Variants in RNF122 observed in about 807,000 individuals in gnomAD.
The protein encoded by RNF122 is ring finger protein 122.
In RNF122, 17 loss-of-function variants were observed where a neutral mutation model predicts 24.2. The ratio of observed to expected loss-of-function variants is 0.70; its 90% confidence interval spans 0.48 to 1.06. RNF122 has a LOEUF of 1.06. Among genes scored for constraint, RNF122 ranks in the 50% least tolerant of loss-of-function variants. The pLI is 0.00. For missense variants in RNF122, 168 were observed against 198.1 expected, an observed-to-expected ratio of 0.85 and a Z score of 0.91; for synonymous variants, 65 against 71.8, an observed-to-expected ratio of 0.91 and a Z score of 0.48.
At position 33,563,117 on chromosome 8, in the gene RNF122, G is replaced by GAA. The variant is rs59074437; in HGVS notation, c.25+3580_25+3581dup. Among the ~76,000 whole-genome samples the GAA allele has an allele frequency of 8.9e-4, 121 of 135,308 alleles. 2 individuals carry two copies. Among genetic ancestry groups the GAA allele is most frequent in the African/African-American group, 1.7e-3 (63 of 37,300 alleles). 88.8% of individuals were successfully genotyped at this position (135,308 alleles called of 152,430 possible). On this transcript the variant is annotated intron_variant, in intron 1 of 5. Transcript: ENST00000256257. Reference sequence around the variant, plus strand: ...GACAGAGTGAGACTCAAGAAAAAAAGAAAAAAAAAAAAAAGCCTGAACCCT... The same window carrying GAA: ...GACAGAGTGAGACTCAAGAAAAAAAGAAAAAAAAAAAAAAAAGCCTGAACCCT...
intron 2 of RNF122, among the ~76,000 whole-genome samples, chr8:33,555,274 C>T (rs1810435594): frequency 6.6e-6 from 1 of 152,102 alleles, no homozygotes; most frequent in Non-Finnish European, 1.5e-5. Context: ...ATGATCTTAG[C>T]TCACTGCAAC....
intron 1 of RNF122, among the ~76,000 whole-genome samples, chr8:33,564,333 A>C (rs1398857491): frequency 6.6e-6 from 1 of 152,140 alleles, no homozygotes; most frequent in African/African-American, 2.4e-5. Context: ...GGACTGCTTG[A>C]GCCCAGGAGT....
chr8:33,556,979 C>T (rs373939684), intron 2 of RNF122, among the ~76,000 whole-genome samples: 20 of 152,316 alleles, frequency 1.3e-4, no homozygotes, highest in African/African-American at 4.8e-4. Context: ...TTGTAGCTGC[C>T]TTCTAGCAAA....
In RNF122 at chr8:33,551,864, A is replaced by G. The variant is rs113148065; in HGVS notation, c.183-475T>C. Among the ~76,000 whole-genome samples, 592 of 151,784 alleles carry G rather than the reference A, an allele frequency of 3.9e-3. 6 individuals carry two copies. The highest frequency in any genetic ancestry group is 0.014 in the African/African-American group (578 of 41,374). On this transcript the variant is annotated intron_variant, in intron 2 of 5. Coordinates refer to ENST00000256257, the MANE Select transcript of RNF122 (RefSeq NM_024787.3). ...CATAAGTATTCTGGAACCAAAGCACACTCTTCCCTTCACTGTGCCGGACAA... is the reference window on the plus strand; with the variant it reads ...CATAAGTATTCTGGAACCAAAGCACGCTCTTCCCTTCACTGTGCCGGACAA...
In RNF122 at chr8:33,547,832, GA is replaced by G. The variant is rs1383907306; in HGVS notation, c.*920del. Reference sequence around the variant, plus strand: ...TCCCACCCTCACCCACTCCAGGGAGGAACAGAAAATCCCCACCCCCTTCCAT... The same window carrying G: ...TCCCACCCTCACCCACTCCAGGGAGGACAGAAAATCCCCACCCCCTTCCAT... On this transcript the variant is annotated 3_prime_UTR_variant, in exon 6 of 6. Coordinates refer to ENST00000256257, the MANE Select transcript of RNF122 (RefSeq NM_024787.3). 2.6e-5 allele frequency: 4 copies of G among 151,728 alleles called. No homozygotes were observed. The highest frequency in any genetic ancestry group is 4.4e-5 in the Non-Finnish European group (3 of 67,966). 9.4% of individuals were successfully genotyped at this position (151,728 alleles called of 1,614,324 possible). A position where few individuals can be genotyped will look rare whatever the true frequency, so the allele number is the denominator to read the frequency against.
intron 1 of RNF122, among the ~76,000 whole-genome samples, chr8:33,559,845 T>G (rs985236532): frequency 6.6e-6 from 1 of 151,222 alleles, no homozygotes; most frequent in Non-Finnish European, 1.5e-5. Context: ...ACGCTGTTTT[T>G]TTTTTTTTTT....
In RNF122 at chr8:33,548,089, A is replaced by G. The variant is rs1293697598; in HGVS notation, c.*664T>C. The G allele has an allele frequency of 6.6e-6, 1 of 151,600 alleles. No individual in the cohort carries two copies. Among genetic ancestry groups the G allele is most frequent in the East Asian group, 2.0e-4 (1 of 5,064 alleles). 9.4% of individuals were successfully genotyped at this position (151,600 alleles called of 1,614,324 possible). A position where few individuals can be genotyped will look rare whatever the true frequency, so the allele number is the denominator to read the frequency against. On this transcript the variant is annotated 3_prime_UTR_variant, in exon 6 of 6. Transcript: ENST00000256257. Reference sequence around the variant, plus strand: ...CCTCAACATGGAATAGGAAGCTCCGAGATTAACTGAGGAAGAGACTGAATG... The same window carrying G: ...CCTCAACATGGAATAGGAAGCTCCGGGATTAACTGAGGAAGAGACTGAATG...
chr8:33,564,938 G>A (rs1029669134), intron 1 of RNF122, among the ~76,000 whole-genome samples: 2 of 152,114 alleles, frequency 1.3e-5, no homozygotes, highest in Non-Finnish European at 2.9e-5. Context: ...ATGAAAGGGC[G>A]CTGCCCAGAA....
chr8:33,556,767 A>G (rs2128839609), intron 2 of RNF122, among the ~76,000 whole-genome samples: 1 of 152,318 alleles, frequency 6.6e-6, no homozygotes, highest in South Asian at 2.1e-4. Context: ...CCAACTGTAC[A>G]AGAGGGAAGA....
chr8:33,560,661 G>T (rs1810527536), intron 1 of RNF122, among the ~76,000 whole-genome samples: 1 of 152,078 alleles, frequency 6.6e-6, no homozygotes, highest in South Asian at 2.1e-4. Flanking sequence ...GCTTGACCAG[G>T]CATGGTGTCT....
At chr8:33,555,033 CTG>C (rs1810431168) in intron 2 of RNF122, among the ~76,000 whole-genome samples, 1 of 152,096 alleles carries the variant, frequency 6.6e-6, no homozygotes, top group African/African-American at 2.4e-5. Flanking sequence ...CAGTGGGCCT[CTG>C]AGACTGTGAA....
In RNF122 at chr8:33,562,227, T is replaced by C. The variant is rs540483932; in HGVS notation, c.26-3456A>G. 2.0e-5 allele frequency among the ~76,000 whole-genome samples: 3 copies of C among 152,216 alleles called. No homozygotes were observed. The East Asian group carries it at 5.8e-4, about 29-fold the overall frequency. On this transcript the variant is annotated intron_variant, in intron 1 of 5. Coordinates refer to ENST00000256257, the MANE Select transcript of RNF122 (RefSeq NM_024787.3). ...AAATGTGCATTAAGCATTGATTATA[T>C]GGTAAGTACTATTAAAAGAAAGCAC...
intron 1 of RNF122, 25 bp from the exon 2 acceptor site, chr8:33,558,796 C>T (rs746949619): frequency 7.4e-5 from 101 of 1,371,490 alleles, no homozygotes; most frequent in Non-Finnish European, 9.5e-5. Context: ...AAAAAAAAAT[C>T]ATTAGGGTTG....
chr8:33,549,962 T>C (rs1810346930), intron 4 of RNF122, among the ~76,000 whole-genome samples: 1 of 151,914 alleles, frequency 6.6e-6, no homozygotes, highest in African/African-American at 2.4e-5. Context: ...AGATGGAGTT[T>C]CACTCTTGTT....
intron 2 of RNF122, among the ~76,000 whole-genome samples, chr8:33,557,457 C>T (rs1175673593): frequency 6.6e-6 from 1 of 151,972 alleles, no homozygotes; most frequent in Non-Finnish European, 1.5e-5. Context: ...TGGCAAAACC[C>T]CGTCTCTACT....
At chr8:33,565,635 C>CA (rs1447851062) in intron 1 of RNF122, among the ~76,000 whole-genome samples, 2 of 152,164 alleles carry the variant, frequency 1.3e-5, no homozygotes, top group Non-Finnish European at 2.9e-5. Flanking sequence ...CCTGAACCTC[C>CA]AAAAAGCCTC....
At chr8:33,562,733 G>A (rs1293133954) in intron 1 of RNF122, among the ~76,000 whole-genome samples, 2 of 151,754 alleles carry the variant, frequency 1.3e-5, no homozygotes, top group Non-Finnish European at 2.9e-5. Flanking sequence ...AGACCAACCT[G>A]GCTAACATGG....
chr8:33,563,585 A>G (rs1810573414), intron 1 of RNF122, among the ~76,000 whole-genome samples: 1 of 152,194 alleles, frequency 6.6e-6, no homozygotes, highest in Non-Finnish European at 1.5e-5. Context: ...CCAAATATTT[A>G]CTTTCTGTGG....
At chr8:33,556,203 A>T (rs74701655) in intron 2 of RNF122, among the ~76,000 whole-genome samples, 1 of 151,012 alleles carries the variant, frequency 6.6e-6, no homozygotes, top group Non-Finnish European at 1.5e-5. Flanking sequence ...AAAAAAAAAA[A>T]AGAAAACCTA....
Sources: allele counts gnomAD v4.1 joint callset (sites outside exome capture counted in the v4.1 genomes callset), GRCh38; gene constraint gnomAD v4.1.1; transcripts MANE v1.5; gene names NCBI Gene and HGNC (gene_info 2026-07-23, HGNC 2026-07-21).